GLMN: variants seen among roughly 807,000 people sequenced by gnomAD.
GLMN encodes the protein glomulin, FKBP associated protein, also known as glomulin.
GLMN carries 75 observed loss-of-function variants against 87.8 expected under a neutral mutation model. The observed-to-expected ratio is 0.85, with a 90% CI of 0.71 to 1.04. The LOEUF (loss-of-function observed/expected upper bound fraction) is 1.04, where lower values mean the gene tolerates loss of function less well. Among genes scored for constraint, GLMN ranks in the 50% least tolerant of loss-of-function variants. The pLI is 0.00. For synonymous variants in GLMN, 206 were observed against 221.6 expected, an observed-to-expected ratio of 0.93 and a Z score of 0.63; for missense variants, 588 against 658.8, an observed-to-expected ratio of 0.89 and a Z score of 1.18.
chr1:92,346,809 G>A, the GLMN span, among the ~76,000 whole-genome samples: 1 of 152,138 alleles, frequency 6.6e-6, no homozygotes, highest in African/African-American at 2.4e-5. Flanking sequence ...TTCAATAAGT[G>A]TAGTGTTTTT....
In GLMN at chr1:92,258,879, C is replaced by T. The variant is rs187922494; in HGVS notation, c.1473+3984G>A. Among the ~76,000 whole-genome samples, 552 of 152,128 alleles carry T rather than the reference C, an allele frequency of 3.6e-3. 1 individual carries two copies. Among genetic ancestry groups the T allele is most frequent in the South Asian group, 4.8e-3 (23 of 4,822 alleles). On this transcript the variant is annotated intron_variant, in intron 16 of 18. Transcript: ENST00000370360. ...AAACCTGCACGTTCTGCACATGTAT[C>T]CCAGAACTTAAAAGTATTGAAAAAA...
chr1:92,345,987 C>A, the GLMN span: 1 of 1,069,492 alleles, frequency 9.4e-7, no homozygotes, highest in Non-Finnish European at 1.4e-6. Context: ...ACAAAGTGAT[C>A]CACTGATTTT....
At chr1:92,353,195 C>T in the GLMN span, among the ~76,000 whole-genome samples, 9 of 152,146 alleles carry the variant, frequency 5.9e-5, no homozygotes, top group East Asian at 3.8e-4. Context: ...TTTATGTTCT[C>T]TTAGGTATAT....
At chr1:92,269,858 T>C (rs918704383) in intron 8 of GLMN, 82 bp from the exon 9 acceptor site, 22 of 920,560 alleles carry the variant, frequency 2.4e-5, no homozygotes, top group African/African-American at 1.3e-4. Flanking sequence ...ATGGGTTGAA[T>C]TGTATCTCCC....
Position 92,263,656 on chromosome 1 carries a change from C to A in GLMN, c.1376G>T (p.Gly459Val). The A allele has an allele frequency of 1.3e-6, 2 of 1,581,704 alleles. No homozygotes were observed. The highest frequency in any genetic ancestry group is 2.2e-5 in the East Asian group (1 of 44,660). The change falls in exon 15 of 19, where the codon GGT (glycine) becomes GTT (valine). Residue 459 changes from glycine to valine, a missense_variant. By Grantham distance (109) the Gly-to-Val change is moderately radical. Coordinates refer to ENST00000370360, the MANE Select transcript of GLMN (RefSeq NM_053274.3). ...LLDLVLFLPE[G>V]AETDLLQNSD... is the part of the protein sequence containing the mutation. ...GTTTTGCAGTAAATCTGTTTCTGCA[C>A]CCTCTGGGAGAAAAAGTACCAAATC...
At chr1:92,336,777 G>A in the GLMN span, among the ~76,000 whole-genome samples, 1 of 152,244 alleles carries the variant, frequency 6.6e-6, no homozygotes, top group African/African-American at 2.4e-5. Flanking sequence ...TATGGGTAAT[G>A]TAAAAGAAAC....
chr1:92,309,170 G>A, the GLMN span, among the ~76,000 whole-genome samples: 31 of 152,034 alleles, frequency 2.0e-4, no homozygotes, highest in African/African-American at 7.2e-4. Context: ...TGTGCCGGGC[G>A]TGGTGGCTTA....
At chr1:92,312,688 A>G in the GLMN span, among the ~76,000 whole-genome samples, 2 of 152,158 alleles carry the variant, frequency 1.3e-5, no homozygotes, top group East Asian at 1.9e-4. Flanking sequence ...CACCATATCC[A>G]TAGTGACTAC....
the GLMN span, among the ~76,000 whole-genome samples, chr1:92,326,853 G>T: frequency 2.0e-5 from 3 of 152,222 alleles, no homozygotes; most frequent in African/African-American, 7.2e-5. Context: ...AGGAAGGGCT[G>T]AGAACTTGCC....
intron 16 of GLMN, among the ~76,000 whole-genome samples, chr1:92,258,129 T>C (rs1330070013): frequency 5.3e-5 from 8 of 152,046 alleles, no homozygotes; most frequent in Non-Finnish European, 1.0e-4. Context: ...AAAGAAGATA[T>C]TTATGCAGCC....
At chr1:92,312,824 CCTTTTTT>C in the GLMN span, among the ~76,000 whole-genome samples, 1 of 146,526 alleles carries the variant, frequency 6.8e-6, no homozygotes, top group Non-Finnish European at 1.5e-5. Flanking sequence ...TTTTTTTTTT[CCTTTTTT>C]CTTTTTTTCA....
intron 16 of GLMN, among the ~76,000 whole-genome samples, chr1:92,252,989 C>G (rs929607079): frequency 6.6e-6 from 1 of 152,008 alleles, no homozygotes; most frequent in Admixed American, 6.6e-5. Context: ...AGTCAGGAAC[C>G]CTGCAAAGAA....
chr1:92,312,821 T>C, the GLMN span, among the ~76,000 whole-genome samples: 22 of 152,176 alleles, frequency 1.4e-4, 2 homozygotes, highest in East Asian at 4.3e-3. Flanking sequence ...TTTTTTTTTT[T>C]TTCCTTTTTT....
At chr1:92,345,987 C>G in the GLMN span, 1 of 1,069,374 alleles carries the variant, frequency 9.4e-7, no homozygotes, top group African/African-American at 1.6e-5. Flanking sequence ...ACAAAGTGAT[C>G]CACTGATTTT....
chr1:92,260,502 C>G (rs1454666656), intron 16 of GLMN, among the ~76,000 whole-genome samples: 1 of 151,948 alleles, frequency 6.6e-6, no homozygotes, highest in African/African-American at 2.4e-5. Flanking sequence ...GTAGTCCCAG[C>G]TACTCGGGAG....
At chr1:92,339,851 C>T in the GLMN span, among the ~76,000 whole-genome samples, 1 of 151,972 alleles carries the variant, frequency 6.6e-6, no homozygotes, top group African/African-American at 2.4e-5. Context: ...TATTTTCTGG[C>T]TCTAAGTCCC....
chr1:92,304,281 T>C, the GLMN span: 1 of 1,448,600 alleles, frequency 6.9e-7, no homozygotes, highest in Non-Finnish European at 9.6e-7. Context: ...TTCTTTTCTT[T>C]AGGTACCAAA....
upstream of GLMN, chr1:92,300,109 T>C: frequency 3.4e-6 from 3 of 887,080 alleles, no homozygotes; most frequent in Admixed American, 6.5e-5. Context: ...ATACAGTATT[T>C]TAATCTTATG....
At chr1:92,317,761 T>G in the GLMN span, among the ~76,000 whole-genome samples, 1 of 152,188 alleles carries the variant, frequency 6.6e-6, no homozygotes, top group Non-Finnish European at 1.5e-5. Context: ...GCTTTTTCCC[T>G]TGCCTTCTTT....
Sources: gnomAD v4.1 joint callset for allele counts (sites outside exome capture counted in the v4.1 genomes callset) on GRCh38, gnomAD v4.1.1 for gene constraint, MANE v1.5 for transcripts, NCBI Gene and HGNC (gene_info 2026-07-23, HGNC 2026-07-21) for gene names.